VPS8: variants seen among roughly 807,000 people sequenced by gnomAD.
The protein encoded by VPS8 is VPS8 subunit of CORVET complex, also known as vacuolar protein sorting-associated protein 8 homolog.
Under a neutral mutation model 216.4 loss-of-function variants are expected in VPS8, and 129 were observed. The observed-to-expected ratio is 0.60, with a 90% CI of 0.52 to 0.69. The LOEUF (loss-of-function observed/expected upper bound fraction) is 0.69. Among genes scored for constraint, VPS8 ranks in the 30% least tolerant of loss-of-function variants. VPS8 has a pLI of 0.00. For missense variants in VPS8, 1,531 were observed against 1,683.5 expected (o/e 0.91, Z 1.59); for synonymous variants, 571 against 565.4 (o/e 1.01, Z -0.14).
intron 22 of VPS8, among the ~76,000 whole-genome samples, chr3:184,886,770 G>A (rs1349646087): frequency 1.3e-5 from 2 of 151,798 alleles, no homozygotes. Flanking sequence ...TAATAGAGAC[G>A]GGGTTTCACC....
rs1183021050 is a variant in VPS8, at chr3:184,924,994, C to T, written c.2574+13C>T. 7.5e-6 allele frequency: 12 copies of T among 1,609,816 alleles called. No homozygotes were observed. The highest frequency in any genetic ancestry group is 1.7e-4 in the Middle Eastern group (1 of 6,052). On this transcript the variant is annotated intron_variant, in intron 30 of 47. Coordinates refer to ENST00000625842, the MANE Select transcript of VPS8 (RefSeq NM_001009921.3). ...ACTTTTTGATCAGGTAAGTGTCTAG[C>T]AGTGAAAACTAAAAGGTTTTTTCCT...
chr3:184,938,798 C>T (rs1302633022), intron 35 of VPS8, among the ~76,000 whole-genome samples: 4 of 151,562 alleles, frequency 2.6e-5, no homozygotes, highest in Non-Finnish European at 2.9e-5. Flanking sequence ...AAGGCCCAGG[C>T]GGGCAGATCG....
intron 37 of VPS8, among the ~76,000 whole-genome samples, chr3:184,962,526 A>T: frequency 6.6e-6 from 1 of 151,986 alleles, no homozygotes; most frequent in East Asian, 1.9e-4. Flanking sequence ...TGAATTATTT[A>T]TTCATGTCAT....
chr3:184,898,680 GTAAT>G (rs745382434), intron 24 of VPS8, 26 bp downstream of exon 24: 54 of 1,494,076 alleles, frequency 3.6e-5, no homozygotes, highest in Non-Finnish European at 4.6e-5. Context: ...ACTTGGATAC[GTAAT>G]TAATTTTGTC....
chr3:185,025,356 C>T (rs1352981728), intron 46 of VPS8, among the ~76,000 whole-genome samples: 1 of 152,042 alleles, frequency 6.6e-6, no homozygotes, highest in African/African-American at 2.4e-5. Flanking sequence ...GTTTCTTTCC[C>T]TTGCCCTTTT....
In VPS8 at chr3:185,000,901, G is replaced by A. The variant is rs527401339; in HGVS notation, c.4002+1040G>A. Among the ~76,000 whole-genome samples the A allele has an allele frequency of 7.9e-4, 121 of 152,212 alleles. 2 individuals carry two copies. The South Asian group carries it at 0.023, about 29-fold the overall frequency. ...ATTACAGGCGTGAGCCACCGCACCCGGCCTCTCTTTTTGTTTCATCAGCCA... is the reference window on the plus strand; with the variant it reads ...ATTACAGGCGTGAGCCACCGCACCCAGCCTCTCTTTTTGTTTCATCAGCCA... On this transcript the variant is annotated intron_variant, in intron 45 of 47. Coordinates refer to ENST00000625842, the MANE Select transcript of VPS8 (RefSeq NM_001009921.3).
At chr3:184,972,148 C>A (rs1181148226) in intron 40 of VPS8, among the ~76,000 whole-genome samples, 1 of 151,992 alleles carries the variant, frequency 6.6e-6, no homozygotes, top group African/African-American at 2.4e-5. Context: ...TCTCAGCCAC[C>A]CGGGTTTAAT....
At chr3:184,844,007 G>C (rs1722654103) in intron 8 of VPS8, among the ~76,000 whole-genome samples, 1 of 152,170 alleles carries the variant, frequency 6.6e-6, no homozygotes, top group African/African-American at 2.4e-5. Context: ...CTTGAATTCT[G>C]TGAGTTGGTT....
chr3:185,024,569 C>T (rs1757092573), intron 46 of VPS8, among the ~76,000 whole-genome samples, 180 bp downstream of exon 46: 1 of 152,158 alleles, frequency 6.6e-6, no homozygotes, highest in African/African-American at 2.4e-5. Context: ...TCCAGAGAAA[C>T]CAAGTTGGGT....
chr3:184,880,376 A>G (rs1730066578), intron 21 of VPS8, among the ~76,000 whole-genome samples: 1 of 152,026 alleles, frequency 6.6e-6, no homozygotes, highest in Non-Finnish European at 1.5e-5. Context: ...TCTATAAATT[A>G]TAATTTCAAT....
chr3:184,815,059 G>A (rs1716011758), intron 1 of VPS8, among the ~76,000 whole-genome samples: 1 of 152,062 alleles, frequency 6.6e-6, no homozygotes, highest in Admixed American at 6.5e-5. Flanking sequence ...CACAGAGTCA[G>A]GAAGGTCCCG....
chr3:184,942,982 T>C (rs115624123), intron 36 of VPS8, among the ~76,000 whole-genome samples: 1,603 of 152,280 alleles, frequency 0.011, 34 homozygotes, highest in African/African-American at 0.037. Context: ...GAGTGGTTGT[T>C]AGAAAAAGTT....
chr3:185,050,906 C>A (rs1187774301), intron 47 of VPS8, among the ~76,000 whole-genome samples: 1 of 152,198 alleles, frequency 6.6e-6, no homozygotes, highest in African/African-American at 2.4e-5. Context: ...CAGGTCCCAA[C>A]TACTGTTATT....
chr3:184,885,197 G>T (rs116082110), intron 21 of VPS8, among the ~76,000 whole-genome samples: 2,068 of 152,264 alleles, frequency 0.014, 27 homozygotes, highest in Non-Finnish European at 0.021. Flanking sequence ...TATCAGACAG[G>T]TGTTAGTATG....
intron 45 of VPS8, among the ~76,000 whole-genome samples, chr3:185,019,492 T>C (rs1384472095): frequency 2.0e-5 from 3 of 152,250 alleles, no homozygotes; most frequent in African/African-American, 7.2e-5. Context: ...CTATAAATTA[T>C]AGATTAACTA....
intron 45 of VPS8, among the ~76,000 whole-genome samples, chr3:185,003,752 A>G (rs527729233): frequency 8.7e-5 from 13 of 149,048 alleles, no homozygotes; most frequent in Non-Finnish European, 1.8e-4. Context: ...GGGGCTCCTC[A>G]CTTCTCAGAC....
chr3:184,895,921 A>G (rs1733388055), intron 23 of VPS8, among the ~76,000 whole-genome samples: 1 of 151,672 alleles, frequency 6.6e-6, no homozygotes. Flanking sequence ...GGTGTGAGCC[A>G]CTGAGCCTGG....
At chr3:184,848,911 T>G (rs1444239085) in intron 8 of VPS8, 160 bp from the exon 9 acceptor site, 2 of 674,102 alleles carry the variant, frequency 3.0e-6, no homozygotes, top group Non-Finnish European at 2.4e-6. Flanking sequence ...ACGCCCAGCA[T>G]CTGCTAGTTG....
intron 15 of VPS8, 24 bp downstream of exon 15, chr3:184,860,089 T>A (rs757675381): frequency 1.9e-6 from 3 of 1,540,188 alleles, no homozygotes; most frequent in South Asian, 2.3e-5. Flanking sequence ...AAATTAAATA[T>A]CCCCATTTAG....
Sources: gnomAD v4.1 joint callset for allele counts (sites outside exome capture counted in the v4.1 genomes callset) on GRCh38, gnomAD v4.1.1 for gene constraint, MANE v1.5 for transcripts, NCBI Gene and HGNC (gene_info 2026-07-23, HGNC 2026-07-21) for gene names.